Variants in GRIK2 observed in about 807,000 individuals in gnomAD.
GRIK2 encodes glutamate ionotropic receptor kainate type subunit 2.
Under a neutral mutation model 100.3 loss-of-function variants are expected in GRIK2, and 32 were observed. The observed-to-expected ratio is 0.32, with a 90% confidence interval of 0.24 to 0.43. The LOEUF (loss-of-function observed/expected upper bound fraction) is 0.43, where lower values mean the gene tolerates loss of function less well. GRIK2 is among the 20% of genes least tolerant of loss of function. The pLI is 1.00. For missense variants in GRIK2, 843 were observed against 1,114.9 expected (o/e 0.76, Z 3.47); for synonymous variants, 417 against 389.4 (o/e 1.07, Z -0.83).
intron 11 of GRIK2, among the ~76,000 whole-genome samples, chr6:101,869,633 G>A (rs1262036550): frequency 6.6e-6 from 1 of 151,886 alleles, no homozygotes; most frequent in East Asian, 1.9e-4. Flanking sequence ...CCATTATAGA[G>A]CAAATAGTCT....
In GRIK2 at chr6:101,460,258, C is replaced by A. The variant is rs75173368; in HGVS notation, c.115+60866C>A. On this transcript the variant is annotated intron_variant, in intron 2 of 16. Coordinates refer to ENST00000369134, the MANE Select transcript of GRIK2 (RefSeq NM_021956.5). ...CTCAAGCAGTGTGTCATTGTATTTTCTCTGGGGCCATTTAGGTCTGTTTAC... is the reference window on the plus strand; with the variant it reads ...CTCAAGCAGTGTGTCATTGTATTTTATCTGGGGCCATTTAGGTCTGTTTAC... Among the ~76,000 whole-genome samples, 5 of 152,260 alleles carry A rather than the reference C, an allele frequency of 3.3e-5. No homozygotes were observed. The East Asian group carries it at 7.7e-4, about 24-fold the overall frequency.
At chr6:101,396,885 G>C (rs999567264) in intron 1 of GRIK2, among the ~76,000 whole-genome samples, 1 of 151,604 alleles carries the variant, frequency 6.6e-6, no homozygotes, top group Non-Finnish European at 1.5e-5. Context: ...GTGCAAAATT[G>C]GTTCTTTGGG....
intron 2 of GRIK2, among the ~76,000 whole-genome samples, chr6:101,506,355 A>G (rs1212292685): frequency 6.6e-6 from 1 of 152,112 alleles, no homozygotes; most frequent in Non-Finnish European, 1.5e-5. Context: ...TATCCTCCTC[A>G]TTGCCTTAAT....
At chr6:101,535,346 G>A (rs1181074944) in intron 2 of GRIK2, among the ~76,000 whole-genome samples, 1 of 151,630 alleles carries the variant, frequency 6.6e-6, no homozygotes, top group Non-Finnish European at 1.5e-5. Context: ...TCAACTAACA[G>A]AATATAACTG....
At chr6:101,575,204 T>C (rs1777738453) in intron 2 of GRIK2, among the ~76,000 whole-genome samples, 2 of 151,864 alleles carry the variant, frequency 1.3e-5, no homozygotes. Context: ...TCCTCTATGA[T>C]AGATGGTAAC....
At chr6:101,854,905 A>T (rs1009937553) in intron 10 of GRIK2, among the ~76,000 whole-genome samples, 1 of 152,190 alleles carries the variant, frequency 6.6e-6, no homozygotes, top group Admixed American at 6.5e-5. Context: ...TGACTTAAGT[A>T]CTGTGAGAAA....
chr6:102,051,137 C>A (rs1181366609), intron 15 of GRIK2, among the ~76,000 whole-genome samples: 1 of 151,932 alleles, frequency 6.6e-6, no homozygotes, highest in Non-Finnish European at 1.5e-5. Flanking sequence ...CTTGAAACTG[C>A]CTCTATACCT....
chr6:101,816,345 A>G (rs999716960), intron 9 of GRIK2, among the ~76,000 whole-genome samples: 1 of 152,166 alleles, frequency 6.6e-6, no homozygotes, highest in African/African-American at 2.4e-5. Context: ...CTATCTGCAG[A>G]TGTGTCTTGT....
At chr6:101,951,393 A>G (rs1426065327) in intron 14 of GRIK2, among the ~76,000 whole-genome samples, 2 of 152,322 alleles carry the variant, frequency 1.3e-5, no homozygotes, top group East Asian at 3.9e-4. Context: ...CAATAGTAAA[A>G]TCAATTGTTG....
intron 2 of GRIK2, among the ~76,000 whole-genome samples, chr6:101,456,611 T>C (rs1241716739): frequency 6.6e-6 from 1 of 152,106 alleles, no homozygotes; most frequent in African/African-American, 2.4e-5. Context: ...TAAAATAACA[T>C]TATTCAACTG....
chr6:101,457,644 T>A (rs1035729271), intron 2 of GRIK2, among the ~76,000 whole-genome samples: 1 of 152,194 alleles, frequency 6.6e-6, no homozygotes, highest in Non-Finnish European at 1.5e-5. Context: ...TATACTTATT[T>A]GCTAAAAGCT....
At chr6:101,530,152 C>T (rs1775361307) in intron 2 of GRIK2, among the ~76,000 whole-genome samples, 1 of 152,004 alleles carries the variant, frequency 6.6e-6, no homozygotes, top group African/African-American at 2.4e-5. Context: ...ATTTTTTAAA[C>T]CTGGATAACT....
intron 2 of GRIK2, among the ~76,000 whole-genome samples, chr6:101,601,878 C>A (rs529078346): frequency 1.3e-5 from 2 of 151,500 alleles, no homozygotes; most frequent in Non-Finnish European, 3.0e-5. Context: ...TTCAAGGGAC[C>A]AAATTTTAGT....
At chr6:101,695,351 T>C (rs1772403786) in intron 7 of GRIK2, among the ~76,000 whole-genome samples, 1 of 152,160 alleles carries the variant, frequency 6.6e-6, no homozygotes, top group Non-Finnish European at 1.5e-5. Flanking sequence ...GAGTGCTTAA[T>C]GCAGTGATGA....
intron 2 of GRIK2, among the ~76,000 whole-genome samples, chr6:101,414,567 T>C (rs1040169719): frequency 6.6e-6 from 1 of 152,172 alleles, no homozygotes; most frequent in African/African-American, 2.4e-5. Context: ...ATTTCAGGGA[T>C]GGTATGCTGG....
intron 7 of GRIK2, among the ~76,000 whole-genome samples, chr6:101,719,158 T>TTTTTTC (rs1774287895): frequency 2.9e-5 from 1 of 33,944 alleles, no homozygotes; most frequent in Non-Finnish European, 1.1e-4. Context: ...TTTTTTTTTT[T>TTTTTTC]TTTTTTTTTT....
intron 14 of GRIK2, among the ~76,000 whole-genome samples, chr6:102,018,242 G>A (rs546201235): frequency 2.0e-5 from 3 of 152,130 alleles, no homozygotes; most frequent in East Asian, 1.9e-4. Flanking sequence ...CTACAATCTC[G>A]CAGATCCCTC....
intron 2 of GRIK2, among the ~76,000 whole-genome samples, chr6:101,510,423 C>T (rs567367277): frequency 1.3e-5 from 2 of 151,264 alleles, no homozygotes; most frequent in African/African-American, 2.4e-5. Context: ...TGCCTTTGTT[C>T]CCACATTCTC....
At chr6:101,979,451 G>T (rs962718034) in intron 14 of GRIK2, among the ~76,000 whole-genome samples, 9 of 152,122 alleles carry the variant, frequency 5.9e-5, no homozygotes, top group African/African-American at 2.2e-4. Flanking sequence ...AAGGTGGAAG[G>T]TGAGTAGAAT....
Sources: allele counts gnomAD v4.1 joint callset (sites outside exome capture counted in the v4.1 genomes callset), GRCh38; gene constraint gnomAD v4.1.1; transcripts MANE v1.5; gene names NCBI Gene and HGNC (gene_info 2026-07-23, HGNC 2026-07-21).